NT5C2: variants seen among roughly 807,000 people sequenced by gnomAD.
NT5C2 encodes 5'-nucleotidase, cytosolic II.
In NT5C2, 58 loss-of-function variants were observed where a neutral mutation model predicts 76.1. The observed-to-expected ratio is 0.76, with a 90% CI of 0.62 to 0.95. The LOEUF (loss-of-function observed/expected upper bound fraction) is 0.95, where lower values mean the gene tolerates loss of function less well. Ranked by LOEUF, NT5C2 falls within the 40% of genes least tolerant of loss-of-function variation. NT5C2 has a pLI of 0.00. For missense variants in NT5C2, 478 were observed against 690.3 expected (o/e 0.69, Z 3.45); for synonymous variants, 229 against 237.4 (o/e 0.96, Z 0.32).
intron 15 of NT5C2, among the ~76,000 whole-genome samples, chr10:103,092,095 A>G (rs751989383): frequency 1.3e-5 from 2 of 152,158 alleles, no homozygotes; most frequent in Non-Finnish European, 2.9e-5. Context: ...AGAAAATCCC[A>G]CTGATAGTAC....
chr10:103,129,349 G>A (rs1255759373), intron 4 of NT5C2, among the ~76,000 whole-genome samples: 11 of 120,420 alleles, frequency 9.1e-5, no homozygotes, highest in Admixed American at 6.0e-4. Context: ...GAGGGAGGTG[G>A]GGGGGTCAGC....
At chr10:103,172,303 C>T (rs1217881386) in intron 3 of NT5C2, among the ~76,000 whole-genome samples, 1 of 145,154 alleles carries the variant, frequency 6.9e-6, no homozygotes, top group African/African-American at 2.6e-5. Flanking sequence ...CTGGAGTGTG[C>T]AGTGGTGTGA....
chr10:103,095,999 C>T lies in NT5C2; in HGVS notation c.772-19G>A. The T allele has an allele frequency of 1.3e-6, 2 of 1,599,090 alleles. No individual in the cohort carries two copies. The highest frequency in any genetic ancestry group is 2.2e-5 in the South Asian group (2 of 90,738). ...TAATTTTCTGGAAAAAAAAATTTAA[C>T]ATAAGGTCCATATACTACTTTTGCA... On this transcript the variant is annotated intron_variant, in intron 11 of 18. Transcript: ENST00000404739.
intron 1 of NT5C2, among the ~76,000 whole-genome samples, chr10:103,185,901 G>A (rs2091959199): frequency 6.6e-6 from 1 of 152,098 alleles, no homozygotes; most frequent in African/African-American, 2.4e-5. Context: ...AAAATTCAGA[G>A]ATATGCATGA....
chr10:103,147,031 G>A (rs2081589867), intron 3 of NT5C2, among the ~76,000 whole-genome samples: 1 of 152,120 alleles, frequency 6.6e-6, no homozygotes, highest in Admixed American at 6.5e-5. Context: ...AAAAAAGGTA[G>A]GCTTACATTT....
intron 3 of NT5C2, among the ~76,000 whole-genome samples, chr10:103,140,782 A>C (rs2080266645): frequency 6.6e-6 from 1 of 152,218 alleles, no homozygotes; most frequent in South Asian, 2.1e-4. Flanking sequence ...CCTGATGATT[A>C]ATGATGTTAA....
In NT5C2 at chr10:103,091,691, A is replaced by G. The variant is rs1222414621; in HGVS notation, c.1160-76T>C. On this transcript the variant is annotated intron_variant, in intron 15 of 18. Transcript: ENST00000404739. ...TAGTTCTTAACTGCTGCTAAACTAA[A>G]AGGTTGCAGATGTGACTGGAAAGTA... 4 of 1,228,488 alleles carry G rather than the reference A, an allele frequency of 3.3e-6. No homozygotes were observed. The South Asian group carries it at 4.9e-5, about 15-fold the overall frequency. 76.1% of individuals were successfully genotyped at this position (1,228,488 alleles called of 1,614,324 possible). A position where few individuals can be genotyped will look rare whatever the true frequency, so the allele number is the denominator to read the frequency against.
chr10:103,153,179 G>T, intron 3 of NT5C2: 1 of 629,236 alleles, frequency 1.6e-6, no homozygotes, highest in Non-Finnish European at 2.3e-6. Flanking sequence ...TTCAATCTCT[G>T]CCTCTACCTC....
chr10:103,153,132 T>C (rs1255612063), intron 3 of NT5C2, among the ~76,000 whole-genome samples: 2 of 152,230 alleles, frequency 1.3e-5, no homozygotes, highest in African/African-American at 4.8e-5. Context: ...TATAGTAGAT[T>C]ACACATGAAA....
chr10:103,150,758 T>G (rs1418744420), intron 3 of NT5C2, among the ~76,000 whole-genome samples: 2 of 152,314 alleles, frequency 1.3e-5, no homozygotes, highest in East Asian at 3.9e-4. Context: ...TCAAATCCAA[T>G]TTTGTGAAGC....
chr10:103,151,815 G>T (rs765186660), intron 3 of NT5C2, among the ~76,000 whole-genome samples: 1 of 152,004 alleles, frequency 6.6e-6, no homozygotes, highest in African/African-American at 2.4e-5. Flanking sequence ...TATTTCTAAA[G>T]ATAGCATAGA....
intron 12 of NT5C2, among the ~76,000 whole-genome samples, chr10:103,094,742 C>G (rs1035467677): frequency 5.9e-5 from 9 of 151,942 alleles, no homozygotes; most frequent in Non-Finnish European, 1.3e-4. Context: ...ATTAGCCGGG[C>G]GTGGTGGCGG....
intron 3 of NT5C2, among the ~76,000 whole-genome samples, chr10:103,172,754 G>C (rs967659250): frequency 2.6e-5 from 4 of 152,158 alleles, no homozygotes; most frequent in African/African-American, 7.2e-5. Flanking sequence ...AGAATTGCTT[G>C]AACCCAGGAG....
At chr10:103,191,274 C>G (rs940670438) in intron 1 of NT5C2, among the ~76,000 whole-genome samples, 5 of 151,052 alleles carry the variant, frequency 3.3e-5, no homozygotes, top group African/African-American at 1.2e-4. Context: ...CCCAGCTACT[C>G]GGGAGGCCGA....
chr10:103,109,364 G>A (rs548871449), intron 4 of NT5C2, among the ~76,000 whole-genome samples: 237 of 152,220 alleles, frequency 1.6e-3, no homozygotes, highest in Non-Finnish European at 2.6e-3. Context: ...ACCTACTGTT[G>A]TAAATTTGTT....
At chr10:103,146,809 T>C (rs182513758) in intron 3 of NT5C2, among the ~76,000 whole-genome samples, 1 of 152,346 alleles carries the variant, frequency 6.6e-6, no homozygotes, top group Non-Finnish European at 1.5e-5. Flanking sequence ...AGGTCCTCAT[T>C]AGTCCAGCAA....
intron 3 of NT5C2, among the ~76,000 whole-genome samples, chr10:103,139,783 G>C (rs2080042062): frequency 6.6e-6 from 1 of 151,854 alleles, no homozygotes; most frequent in South Asian, 2.1e-4. Context: ...CTATTGTCTT[G>C]GCAAATTAAC....
chr10:103,178,954 CT>C (rs758982511), intron 2 of NT5C2, among the ~76,000 whole-genome samples: 119 of 128,348 alleles, frequency 9.3e-4, no homozygotes, highest in Middle Eastern at 4.0e-3. Context: ...TTCTTTTTTT[CT>C]TTTTTTTTTT....
chr10:103,104,291 G>A lies in NT5C2; in HGVS notation c.389+1415C>T, dbSNP rs188873401. On this transcript the variant is annotated intron_variant, in intron 6 of 18. Transcript: ENST00000404739. Reference sequence around the variant, plus strand: ...GGAAACTTTATTGGCTTATTTAAGGGAAGAGAGGAAGTCTGTGGATCTTGA... The same window carrying A: ...GGAAACTTTATTGGCTTATTTAAGGAAAGAGAGGAAGTCTGTGGATCTTGA... Among the ~76,000 whole-genome samples the A allele has an allele frequency of 2.5e-3, 378 of 152,340 alleles. 4 individuals carry two copies. The highest frequency in any genetic ancestry group is 8.5e-3 in the African/African-American group (352 of 41,580).
Sources: allele counts gnomAD v4.1 joint callset (sites outside exome capture counted in the v4.1 genomes callset), GRCh38; gene constraint gnomAD v4.1.1; transcripts MANE v1.5; gene names NCBI Gene and HGNC (gene_info 2026-07-23, HGNC 2026-07-21).